The following FMN1 variants were observed in gnomAD, a reference collection of about 807,000 sequenced individuals.
FMN1 encodes the protein formin-1.
Under a neutral mutation model 132.4 loss-of-function variants are expected in FMN1, and 110 were observed. That is an observed-to-expected ratio of 0.83 (90% CI 0.71 to 0.97). The LOEUF (loss-of-function observed/expected upper bound fraction) is 0.97, where lower values mean the gene tolerates loss of function less well. Ranked by LOEUF, FMN1 falls within the 50% of genes least tolerant of loss-of-function variation. The pLI, the probability that FMN1 is intolerant of heterozygous loss-of-function variation, is 0.00. For synonymous variants in FMN1, 722 were observed against 651.7 expected (o/e 1.11, Z -1.64); for missense variants, 1,792 against 1,705.3 (o/e 1.05, Z -0.90).
intron 17 of FMN1, among the ~76,000 whole-genome samples, chr15:32,819,589 T>A (rs1282258342): frequency 1.3e-5 from 2 of 152,206 alleles, no homozygotes; most frequent in Non-Finnish European, 2.9e-5. Context: ...TTGCATATTT[T>A]ATATGGGACA....
chr15:33,022,392 A>C (rs1566836893), intron 6 of FMN1, among the ~76,000 whole-genome samples: 1 of 152,136 alleles, frequency 6.6e-6, no homozygotes, highest in Admixed American at 6.5e-5. Flanking sequence ...AAACTGAAAC[A>C]ACCACTTTTC....
In FMN1 at chr15:33,154,986, G is replaced by T; in HGVS notation, c.-72C>A. Reference sequence around the variant, plus strand: ...AGGCTTCCCAGGCTCCAGTGGTGAGGCATGTGATGGTGGCTATGCAGAGAA... The same window carrying T: ...AGGCTTCCCAGGCTCCAGTGGTGAGTCATGTGATGGTGGCTATGCAGAGAA... On this transcript the variant is annotated 5_prime_UTR_variant, in exon 4 of 21. It introduces an in-frame stop codon into an upstream open reading frame of the 5' UTR. Transcript: ENST00000616417. 1 of 1,246,240 alleles carries T rather than the reference G, an allele frequency of 8.0e-7. No individual in the cohort carries two copies. Among genetic ancestry groups the T allele is most frequent in the Non-Finnish European group, 1.1e-6 (1 of 918,456 alleles). 77.2% of individuals were successfully genotyped at this position (1,246,240 alleles called of 1,614,324 possible).
intron 17 of FMN1, among the ~76,000 whole-genome samples, chr15:32,825,194 C>G (rs542724611): frequency 6.6e-5 from 10 of 152,348 alleles, no homozygotes; most frequent in Admixed American, 6.5e-4. Flanking sequence ...ACTTTTGCCT[C>G]TGTGCATTTA....
At chr15:32,860,456 A>G (rs548446983) in intron 16 of FMN1, among the ~76,000 whole-genome samples, 1 of 152,180 alleles carries the variant, frequency 6.6e-6, no homozygotes, top group South Asian at 2.1e-4. Context: ...AATTTGAGAC[A>G]AGCTTGGCCA....
At chr15:33,003,522 A>C (rs1241365262) in intron 7 of FMN1, among the ~76,000 whole-genome samples, 2 of 152,226 alleles carry the variant, frequency 1.3e-5, no homozygotes, top group African/African-American at 4.8e-5. Context: ...GAGAACTACA[A>C]ACCACTGCTC....
At chr15:33,059,038 A>G (rs1382655488) in intron 6 of FMN1, among the ~76,000 whole-genome samples, 1 of 152,134 alleles carries the variant, frequency 6.6e-6, no homozygotes, top group African/African-American at 2.4e-5. Context: ...ACAACTCTCC[A>G]TTCCCTCCGT....
chr15:32,983,044 C>G (rs2032804387), intron 7 of FMN1, among the ~76,000 whole-genome samples: 1 of 152,134 alleles, frequency 6.6e-6, no homozygotes. Context: ...CATAGACGCA[C>G]ACATCCTATT....
In FMN1 at chr15:32,899,990, C is replaced by T; in HGVS notation, c.3643G>A (p.Val1215Ile). Residue 1215 changes from valine (V) to isoleucine (I), a missense_variant, in exon 14 of 21, where the codon GTC becomes ATC. This residue lies in a region of FMN1 where 1,150 missense variants were observed against 1,043.1 expected (regional missense o/e 1.10). Coordinates refer to ENST00000616417, the MANE Select transcript of FMN1 (RefSeq NM_001277313.2). Reference sequence around the variant, plus strand: ...TGAAAAATAAATACCCGACTTTTGACATCCTTGAGTTTGGGCAGAATTTCT... The same window carrying T: ...TGAAAAATAAATACCCGACTTTTGATATCCTTGAGTTTGGGCAGAATTTCT... ...SLEILPKLKD[V>I]KSRDNGINLV... 6.2e-7 allele frequency: 1 copy of T among 1,613,318 alleles called. No homozygotes were observed. The highest frequency in any genetic ancestry group is 8.5e-7 in the Non-Finnish European group (1 of 1,179,732).
At chr15:33,131,979 A>C (rs1385453614) in intron 4 of FMN1, among the ~76,000 whole-genome samples, 1 of 152,122 alleles carries the variant, frequency 6.6e-6, no homozygotes, top group Non-Finnish European at 1.5e-5. Context: ...GAACAAGATA[A>C]AGGCAGTCAA....
At position 33,151,035 on chromosome 15, in the gene FMN1, T is replaced by G. The variant is rs1374374543; in HGVS notation, c.1867+2013A>C. The G allele has an allele frequency of 3.4e-6, 4 of 1,178,908 alleles. No individual in the cohort carries two copies. The Admixed American group carries it at 1.5e-4, about 45-fold the overall frequency. 73.0% of individuals were successfully genotyped at this position (1,178,908 alleles called of 1,614,324 possible). A position where few individuals can be genotyped will look rare whatever the true frequency, so the allele number is the denominator to read the frequency against. ...CTTCTCCCTGTATGGGCTTCCCAGCTGCAGGGAGTCACTGAAGGGTTCAGA... is the reference window on the plus strand; with the variant it reads ...CTTCTCCCTGTATGGGCTTCCCAGCGGCAGGGAGTCACTGAAGGGTTCAGA... On this transcript the variant is annotated intron_variant, in intron 4 of 20. Transcript: ENST00000616417.
intron 6 of FMN1, among the ~76,000 whole-genome samples, chr15:33,055,618 A>AAC (rs397732171): frequency 6.7e-6 from 1 of 149,438 alleles, no homozygotes; most frequent in East Asian, 1.9e-4. Flanking sequence ...ACAAAAAAAA[A>AAC]CAAACAAAAA....
chr15:33,000,674 T>C (rs1175041399), intron 7 of FMN1, among the ~76,000 whole-genome samples: 1 of 152,134 alleles, frequency 6.6e-6, no homozygotes, highest in African/African-American at 2.4e-5. Context: ...AAGTGGATTA[T>C]ACATTGAGAA....
intron 2 of FMN1, among the ~76,000 whole-genome samples, chr15:33,182,060 T>G (rs1965723713): frequency 6.6e-6 from 1 of 152,154 alleles, no homozygotes; most frequent in African/African-American, 2.4e-5. Flanking sequence ...GAAAATAGAT[T>G]GTGAAAGGGT....
intron 6 of FMN1, among the ~76,000 whole-genome samples, chr15:33,041,468 G>GT (rs1555387313): frequency 3.6e-5 from 1 of 27,558 alleles, no homozygotes; most frequent in Non-Finnish European, 9.5e-5. Flanking sequence ...TTCCTCACCA[G>GT]TAAACAAAAA....
intron 6 of FMN1, among the ~76,000 whole-genome samples, chr15:33,057,684 T>C (rs1002457008): frequency 6.6e-6 from 1 of 152,206 alleles, no homozygotes; most frequent in African/African-American, 2.4e-5. Context: ...CCTACTTTCC[T>C]TTCCCTCTGA....
At chr15:32,959,972 G>A (rs573979625) in intron 9 of FMN1, among the ~76,000 whole-genome samples, 3 of 152,154 alleles carry the variant, frequency 2.0e-5, no homozygotes, top group Non-Finnish European at 4.4e-5. Context: ...TCCTGAAAGA[G>A]GCAAACTGAA....
intron 7 of FMN1, among the ~76,000 whole-genome samples, chr15:32,982,101 G>C (rs1418279398): frequency 6.6e-6 from 1 of 152,114 alleles, no homozygotes; most frequent in African/African-American, 2.4e-5. Flanking sequence ...AATCTACCAA[G>C]AGAGATATAC....
chr15:32,879,931 A>G (rs1259062686), intron 16 of FMN1, among the ~76,000 whole-genome samples: 1 of 152,134 alleles, frequency 6.6e-6, no homozygotes, highest in African/African-American at 2.4e-5. Context: ...CACTTTAAGA[A>G]CAGCAGTCCC....
At chr15:32,950,036 C>CAT (rs373645697) in intron 9 of FMN1, among the ~76,000 whole-genome samples, 1 of 5,462 alleles carries the variant, frequency 1.8e-4, no homozygotes, top group African/African-American at 4.8e-4. Context: ...TATATATACA[C>CAT]ATATATATAT....
Sources: allele counts gnomAD v4.1 joint callset (sites outside exome capture counted in the v4.1 genomes callset), GRCh38; gene constraint gnomAD v4.1.1; regional missense constraint gnomAD v4.1.1; transcripts MANE v1.5; gene names NCBI Gene and HGNC (gene_info 2026-07-23, HGNC 2026-07-21).